The following EPS15L1 variants were observed in gnomAD, a reference collection of about 807,000 sequenced individuals.
EPS15L1 encodes the protein epidermal growth factor receptor pathway substrate 15 like 1.
EPS15L1 carries 43 observed loss-of-function variants against 117.1 expected under a neutral mutation model. The ratio of observed to expected loss-of-function variants is 0.37; its 90% CI spans 0.29 to 0.47. The LOEUF (loss-of-function observed/expected upper bound fraction) is 0.47. EPS15L1 is among the 20% of genes least tolerant of loss of function. The pLI is 0.99. For synonymous variants in EPS15L1, 459 were observed against 470.5 expected, an observed-to-expected ratio of 0.98 and a Z score of 0.32; for missense variants, 981 against 1,164.0, an observed-to-expected ratio of 0.84 and a Z score of 2.29.
In EPS15L1 at chr19:16,471,532, G is replaced by C. The variant is rs1014917748; in HGVS notation, c.33+381C>G. On this transcript the variant is annotated intron_variant, in intron 1 of 23. Coordinates refer to ENST00000455140, the MANE Select transcript of EPS15L1 (RefSeq NM_001258374.3). This position sits in a 1 kb window ranked among gnomAD's most constrained non-coding sequence, Gnocchi z 4.8. ...TGCCCGCCCGGGCGCCGGGACCGGA[G>C]GGAGACAAAGACTCGCTGGGCCGCC... 1.3e-5 allele frequency among the ~76,000 whole-genome samples: 2 copies of C among 152,170 alleles called. No homozygotes were observed. Among genetic ancestry groups the C allele is most frequent in the Non-Finnish European group, 2.9e-5 (2 of 68,024 alleles).
At chr19:16,461,217 T>C (rs1332303799) in intron 1 of EPS15L1, among the ~76,000 whole-genome samples, 1 of 149,330 alleles carries the variant, frequency 6.7e-6, no homozygotes, top group Non-Finnish European at 1.5e-5. Context: ...GGCAGGAGAA[T>C]GGCATGAACC....
rs1243227748 is a variant in EPS15L1 at position 16,365,242 on chromosome 19, C to T, written c.2381-3258G>A. Among the ~76,000 whole-genome samples, 2 of 152,196 alleles carry T rather than the reference C, an allele frequency of 1.3e-5. No individual in the cohort carries two copies. The highest frequency in any genetic ancestry group is 4.8e-5 in the African/African-American group (2 of 41,436). ...CCCTCAGCCTGTTTCTTAATCCAAA[C>T]AAAGGGCTGTGTCCCCCCAACAATT... is the stretch of plus-strand genomic sequence containing the variant. On this transcript the variant is annotated intron_variant, in intron 22 of 23. Coordinates refer to ENST00000455140, the MANE Select transcript of EPS15L1 (RefSeq NM_001258374.3). This position sits in a 1 kb window ranked among gnomAD's most constrained non-coding sequence, Gnocchi z 4.9.
chr19:16,448,554 G>GT (rs903781881), intron 1 of EPS15L1, among the ~76,000 whole-genome samples: 1 of 143,876 alleles, frequency 7.0e-6, no homozygotes, highest in African/African-American at 2.6e-5. Flanking sequence ...AAAAGGGGGG[G>GT]GGAGAAAGGC....
At chr19:16,359,138 C>A (rs893404070) in intron 23 of EPS15L1, among the ~76,000 whole-genome samples, 1 of 152,172 alleles carries the variant, frequency 6.6e-6, no homozygotes, top group Non-Finnish European at 1.5e-5. Flanking sequence ...GCTGCTCCTG[C>A]ACAGGTAAAA....
At chr19:16,434,562 G>T in intron 6 of EPS15L1, 72 bp from the exon 7 acceptor site, 1 of 1,524,214 alleles carries the variant, frequency 6.6e-7, no homozygotes, top group East Asian at 2.3e-5. Context: ...AGCTCTGACC[G>T]AAAGCCAAGT....
chr19:16,400,332 G>A (rs1293723598), intron 16 of EPS15L1, among the ~76,000 whole-genome samples: 6 of 131,238 alleles, frequency 4.6e-5, no homozygotes, highest in African/African-American at 1.2e-4. Context: ...GCGAGACTCC[G>A]TCTCAAAAAA....
rs2092382809 is a variant in EPS15L1 at position 16,383,298 on chromosome 19, T to C, written c.2247+1831A>G. 6.6e-6 allele frequency: 1 copy of C among 151,922 alleles called. No individual in the cohort carries two copies. The highest frequency in any genetic ancestry group is 1.5e-5 in the Non-Finnish European group (1 of 67,990). The allele number at this position is 151,922 out of a possible 1,614,324, so 9.4% of individuals were successfully genotyped here. On this transcript the variant is annotated intron_variant, in intron 21 of 23. Transcript: ENST00000455140. This position sits in a 1 kb window ranked among gnomAD's most constrained non-coding sequence, Gnocchi z 5.2. ...GGGCCCAAGGACAGGCAGAGGGCGG[T>C]CATTAGATCCCGGCCCTAGCTCAGG...
intron 19 of EPS15L1, among the ~76,000 whole-genome samples, chr19:16,388,699 C>T (rs899358073): frequency 5.9e-5 from 9 of 151,746 alleles, no homozygotes; most frequent in African/African-American, 1.5e-4. Flanking sequence ...TAGTGGCGGG[C>T]GCCTGTAGTC....
intron 16 of EPS15L1, chr19:16,401,340 A>C (rs2092599546): frequency 1.0e-6 from 1 of 985,328 alleles, no homozygotes; most frequent in Non-Finnish European, 1.2e-6. Context: ...TCAAGCATTG[A>C]ACATAAAGAG....
At chr19:16,374,575 C>T (rs980643896) in intron 22 of EPS15L1, among the ~76,000 whole-genome samples, 2 of 152,126 alleles carry the variant, frequency 1.3e-5, no homozygotes, top group South Asian at 2.1e-4. Flanking sequence ...GGTAGGCTTG[C>T]AGAGGGAGAC....
chr19:16,463,723 C>T (rs977408212), intron 1 of EPS15L1, among the ~76,000 whole-genome samples: 1 of 152,124 alleles, frequency 6.6e-6, no homozygotes, highest in Admixed American at 6.6e-5. Flanking sequence ...ATCAATCAAC[C>T]CCGCAAAGAG....
In EPS15L1 at chr19:16,390,319, T is replaced by C. The variant is rs144882765; in HGVS notation, c.2103+1985A>G. 2.6e-3 allele frequency among the ~76,000 whole-genome samples: 399 copies of C among 152,248 alleles called. 3 individuals carry two copies. Among genetic ancestry groups the C allele is most frequent in the Middle Eastern group, 0.014 (4 of 294 alleles). ...TTGTTGTGTCAGAAAGACACAACAA[T>C]CATAAACACCTATGCACCTGACAAA... is the stretch of plus-strand genomic sequence containing the variant. On this transcript the variant is annotated intron_variant, in intron 19 of 23. Transcript: ENST00000455140.
chr19:16,449,716 ATATGTCACTGCTCCAAACTGGT>A (rs2093121384), intron 1 of EPS15L1, among the ~76,000 whole-genome samples: 1 of 152,212 alleles, frequency 6.6e-6, no homozygotes, highest in Non-Finnish European at 1.5e-5. Flanking sequence ...CCACAGCTTT[ATATGTCACTGCTCCAAACTGGT>A]AACACCCCGG....
intron 1 of EPS15L1, among the ~76,000 whole-genome samples, chr19:16,463,289 C>T (rs2093271284): frequency 2.0e-5 from 3 of 152,346 alleles, no homozygotes; most frequent in Admixed American, 6.5e-5. Flanking sequence ...GTGGCCTCAA[C>T]CTGACGGTTG....
intron 17 of EPS15L1, among the ~76,000 whole-genome samples, chr19:16,395,143 C>T (rs2092525985): frequency 6.8e-6 from 1 of 148,072 alleles, no homozygotes; most frequent in East Asian, 2.0e-4. Flanking sequence ...TGCAGTGAGC[C>T]GAGATTGCGC....
At chr19:16,436,902 G>A in intron 6 of EPS15L1, 35 bp downstream of exon 6, 1 of 1,535,990 alleles carries the variant, frequency 6.5e-7, no homozygotes, top group Non-Finnish European at 9.0e-7. Flanking sequence ...CTATCTGAAG[G>A]AGAGCCAAGG....
At chr19:16,437,723 A>T in intron 5 of EPS15L1, 47 bp downstream of exon 5, 2 of 1,351,892 alleles carry the variant, frequency 1.5e-6, no homozygotes, top group Non-Finnish European at 2.1e-6. Flanking sequence ...ACACACACAC[A>T]CATCTGGTAT....
At chr19:16,402,146 G>A (rs896929888) in intron 16 of EPS15L1, 175 bp downstream of exon 16, 46 of 1,383,160 alleles carry the variant, frequency 3.3e-5, no homozygotes, top group African/African-American at 7.3e-5. Flanking sequence ...ATGGCCACCT[G>A]TGCCAGGCTG....
At chr19:16,372,828 C>T (rs987761841) in intron 22 of EPS15L1, among the ~76,000 whole-genome samples, 9 of 152,216 alleles carry the variant, frequency 5.9e-5, no homozygotes, top group African/African-American at 1.2e-4. Flanking sequence ...GTGACCCACC[C>T]GGGGCCTCCC....
Sources: gnomAD v4.1 joint callset for allele counts (sites outside exome capture counted in the v4.1 genomes callset) on GRCh38, gnomAD v4.1.1 for gene constraint, Gnocchi (gnomAD v3.1) non-coding constraint, MANE v1.5 for transcripts, NCBI Gene and HGNC (gene_info 2026-07-23, HGNC 2026-07-21) for gene names.